Variants in SATB1 observed in about 807,000 individuals in gnomAD.
SATB1 encodes SATB homeobox 1.
SATB1 carries 11 observed loss-of-function variants against 86.9 expected under a neutral mutation model. That is an observed-to-expected ratio of 0.13 (90% CI 0.08 to 0.21). The LOEUF (loss-of-function observed/expected upper bound fraction) is 0.21, where lower values mean the gene tolerates loss of function less well. Ranked by LOEUF, SATB1 falls within the 10% of genes least tolerant of loss-of-function variation. The probability of loss-of-function intolerance (pLI) is 1.00; values close to 1 mark genes in which losing one functional copy is unlikely to be tolerated. For synonymous variants in SATB1, 357 were observed against 357.2 expected (o/e 1.00, Z 0.01); for missense variants, 551 against 937.6 (o/e 0.59, Z 5.39).
intron 9 of SATB1, among the ~76,000 whole-genome samples, chr3:18,371,061 T>C (rs545471741): frequency 6.6e-6 from 1 of 152,316 alleles, no homozygotes; most frequent in African/African-American, 2.4e-5. Context: ...GCCTATGATC[T>C]GATTTACGAA....
At position 18,346,498 on chromosome 3, in the gene SATB1, G is replaced by A. The variant is rs1180395601; in HGVS notation, c.*2672C>T. On this transcript the variant is annotated 3_prime_UTR_variant, in exon 11 of 11. Transcript: ENST00000338745. ...GGGGGAGCAATATGGAAGATCATCT[G>A]GGCAAGTCTTTTCTAAAATGTGCCA... 6.6e-6 allele frequency: 1 copy of A among 151,964 alleles called. No homozygotes were observed. Among genetic ancestry groups the A allele is most frequent in the Admixed American group, 6.6e-5 (1 of 15,254 alleles). 9.4% of individuals were successfully genotyped at this position (151,964 alleles called of 1,614,324 possible).
Position 18,394,954 on chromosome 3 carries a change from A to G in SATB1, c.752-38T>C. ...AAGAGTAAAATCACATTCAGCCAAC[A>G]ATGATTGGCATTGATAAAGATTTCT... On this transcript the variant is annotated intron_variant, in intron 6 of 10. Coordinates refer to ENST00000338745, the MANE Select transcript of SATB1 (RefSeq NM_002971.6). This position sits in a 1 kb window ranked among gnomAD's most constrained non-coding sequence, Gnocchi z 5.9. 1 of 1,424,826 alleles carries G rather than the reference A, an allele frequency of 7.0e-7. No homozygotes were observed. The highest frequency in any genetic ancestry group is 2.3e-5 in the East Asian group (1 of 43,140). The allele number at this position is 1,424,826 out of a possible 1,614,324, so 88.3% of individuals were successfully genotyped here. A position where few individuals can be genotyped will look rare whatever the true frequency, so the allele number is the denominator to read the frequency against.
intron 2 of SATB1, among the ~76,000 whole-genome samples, chr3:18,432,295 C>T (rs1167332895): frequency 1.3e-5 from 2 of 152,156 alleles, no homozygotes; most frequent in Non-Finnish European, 1.5e-5. Context: ...CCGGTGAAAT[C>T]GAACAGCAAC....
chr3:18,369,624 A>C (rs1695361191), intron 9 of SATB1, among the ~76,000 whole-genome samples: 1 of 152,098 alleles, frequency 6.6e-6, no homozygotes, highest in Admixed American at 6.6e-5. Context: ...TTTGTGGTTA[A>C]ACTGTCTAAT....
At chr3:18,397,777 T>C (rs770416999) in intron 5 of SATB1, among the ~76,000 whole-genome samples, 3 of 152,206 alleles carry the variant, frequency 2.0e-5, no homozygotes, top group Middle Eastern at 3.2e-3. Flanking sequence ...CCCAGACCAG[T>C]GCACTTAGCA....
chr3:18,445,452 GGCGCTTGGGGGT>G (rs916493310), intron 1 of SATB1: 16 of 985,128 alleles, frequency 1.6e-5, no homozygotes, highest in Non-Finnish European at 1.8e-5. Flanking sequence ...GGTAAGTGTG[GGCGCTTGGGGGT>G]GCGCTTGGGG....
intron 5 of SATB1, among the ~76,000 whole-genome samples, chr3:18,402,309 A>T (rs1481935064): frequency 6.6e-6 from 1 of 152,110 alleles, no homozygotes; most frequent in Non-Finnish European, 1.5e-5. Flanking sequence ...GATTACCCTT[A>T]AAATTGCTTT....
intron 8 of SATB1, among the ~76,000 whole-genome samples, chr3:18,379,602 C>T (rs1695940633): frequency 6.6e-6 from 1 of 152,162 alleles, no homozygotes; most frequent in Admixed American, 6.5e-5. Flanking sequence ...TTATTTTACT[C>T]TGTTCCTAAA....
chr3:18,393,750 C>T (rs1005264043), intron 7 of SATB1, among the ~76,000 whole-genome samples: 1 of 152,142 alleles, frequency 6.6e-6, no homozygotes, highest in Non-Finnish European at 1.5e-5. Flanking sequence ...TCTATGGCTG[C>T]TTTATTACTC....
chr3:18,419,344 T>C (rs970087138), intron 2 of SATB1, among the ~76,000 whole-genome samples: 1 of 152,208 alleles, frequency 6.6e-6, no homozygotes, highest in Non-Finnish European at 1.5e-5. Context: ...GGGAGAGCAC[T>C]GGTCACTGCT....
At chr3:18,425,824 GGGGCAGGAC>G (rs199730219), upstream of SATB1, among the ~76,000 whole-genome samples, 14 of 141,186 alleles carry the variant, frequency 9.9e-5, no homozygotes, top group Admixed American at 4.9e-4. Flanking sequence ...GGAGGGAGGA[GGGGCAGGAC>G]GGGCAGGACG....
intron 2 of SATB1, among the ~76,000 whole-genome samples, chr3:18,434,108 C>T (rs2125200151): frequency 6.6e-6 from 1 of 152,146 alleles, no homozygotes; most frequent in South Asian, 2.1e-4. Context: ...TCTTCTATTA[C>T]TTTTACAGTT....
intron 9 of SATB1, among the ~76,000 whole-genome samples, chr3:18,359,216 G>C (rs1346393934): frequency 6.6e-6 from 1 of 151,900 alleles, no homozygotes; most frequent in Non-Finnish European, 1.5e-5. Flanking sequence ...ATGTGGATTT[G>C]GTGGTTTTTC....
At chr3:18,377,739 C>A (rs938167435) in intron 9 of SATB1, among the ~76,000 whole-genome samples, 1 of 152,130 alleles carries the variant, frequency 6.6e-6, no homozygotes, top group Admixed American at 6.5e-5. Flanking sequence ...ACTGCTATAC[C>A]ACCAATGCCA....
chr3:18,372,408 TG>T (rs1162100596), intron 9 of SATB1, among the ~76,000 whole-genome samples: 2 of 152,202 alleles, frequency 1.3e-5, no homozygotes, highest in African/African-American at 4.8e-5. Flanking sequence ...TCTAAATTTA[TG>T]GGGAAAAGGT....
At chr3:18,425,459 T>G (rs1371922116), upstream of SATB1, 22 of 51,824 alleles carry the variant, frequency 4.2e-4, no homozygotes, top group Admixed American at 7.0e-4. Flanking sequence ...GGAAAAGGGA[T>G]GGGGATTAAA....
intron 9 of SATB1, among the ~76,000 whole-genome samples, chr3:18,356,416 A>G (rs1694641034): frequency 1.1e-5 from 1 of 91,632 alleles, no homozygotes; most frequent in Non-Finnish European, 2.1e-5. Context: ...GAAATGTAAG[A>G]TTGAAAAAAA....
intron 8 of SATB1, among the ~76,000 whole-genome samples, chr3:18,379,073 C>A (rs1350899395): frequency 6.6e-6 from 1 of 152,128 alleles, no homozygotes; most frequent in Non-Finnish European, 1.5e-5. Flanking sequence ...GTAAGCATCA[C>A]AAAATATATA....
Position 18,348,526 on chromosome 3 carries a change from A to C in SATB1, c.*644T>G, listed in dbSNP as rs1212281049. 6.6e-6 allele frequency: 1 copy of C among 152,616 alleles called. No individual in the cohort carries two copies. The highest frequency in any genetic ancestry group is 2.1e-4 in the South Asian group (1 of 4,834). 9.5% of individuals were successfully genotyped at this position (152,616 alleles called of 1,614,324 possible). On this transcript the variant is annotated 3_prime_UTR_variant, in exon 11 of 11. Coordinates refer to ENST00000338745, the MANE Select transcript of SATB1 (RefSeq NM_002971.6). The stretch of plus-strand genomic sequence containing the variant: ...AATAATGAGGACTAAATTGTGTTTC[A>C]CATTTTCTTTTCCTTTTTTTAAAAA...
Sources: gnomAD v4.1 joint callset for allele counts (sites outside exome capture counted in the v4.1 genomes callset) on GRCh38, gnomAD v4.1.1 for gene constraint, Gnocchi (gnomAD v3.1) non-coding constraint, MANE v1.5 for transcripts, NCBI Gene and HGNC (gene_info 2026-07-23, HGNC 2026-07-21) for gene names.